MAPK8: variants seen among roughly 807,000 people sequenced by gnomAD.
MAPK8 encodes the protein mitogen-activated protein kinase 8.
A neutral mutation model predicts 52.9 loss-of-function variants in MAPK8; 13 were observed. That is an observed-to-expected ratio of 0.25 (90% confidence interval 0.16 to 0.39). MAPK8 has a LOEUF of 0.39. Ranked by LOEUF, MAPK8 falls within the 10% of genes least tolerant of loss-of-function variation. The pLI, the probability that MAPK8 is intolerant of heterozygous loss-of-function variation, is 1.00. For missense variants in MAPK8, 300 were observed against 519.2 expected (o/e 0.58, Z 4.10); for synonymous variants, 191 against 169.8 (o/e 1.12, Z -0.97).
intron 10 of MAPK8, among the ~76,000 whole-genome samples, chr10:48,427,682 C>CT (rs1466857776): frequency 1.3e-5 from 2 of 152,066 alleles, no homozygotes; most frequent in Non-Finnish European, 2.9e-5. Flanking sequence ...TTAGTAGAGA[C>CT]AGGGTTTCAC....
chr10:48,381,193 C>G (rs1282941225), intron 1 of MAPK8, among the ~76,000 whole-genome samples: 1 of 152,158 alleles, frequency 6.6e-6, no homozygotes, highest in Non-Finnish European at 1.5e-5. Flanking sequence ...TCCATCTGAT[C>G]CCAGTCAGCT....
intron 1 of MAPK8, among the ~76,000 whole-genome samples, chr10:48,325,388 C>G (rs994076683): frequency 6.6e-6 from 1 of 152,198 alleles, no homozygotes; most frequent in Admixed American, 6.5e-5. Context: ...TTTTAACATA[C>G]CAATTTTGAA....
At chr10:48,413,664 C>G (rs150286950) in intron 5 of MAPK8, among the ~76,000 whole-genome samples, 1 of 151,624 alleles carries the variant, frequency 6.6e-6, no homozygotes, top group African/African-American at 2.4e-5. Context: ...CTTAGTATCA[C>G]TGTATTTCAC....
chr10:48,428,035 T>C (rs1335189302), intron 10 of MAPK8, among the ~76,000 whole-genome samples: 2 of 152,228 alleles, frequency 1.3e-5, no homozygotes, highest in Non-Finnish European at 1.5e-5. Flanking sequence ...AAGATATTTT[T>C]CAGTTATTTC....
At chr10:48,411,801 C>T (rs987982601) in intron 5 of MAPK8, among the ~76,000 whole-genome samples, 26 of 149,242 alleles carry the variant, frequency 1.7e-4, no homozygotes, top group African/African-American at 6.4e-4. Flanking sequence ...TTTCTTTTCT[C>T]TCCTTCCCTC....
intron 1 of MAPK8, among the ~76,000 whole-genome samples, chr10:48,370,382 T>C (rs1644574783): frequency 6.6e-6 from 1 of 152,088 alleles, no homozygotes; most frequent in African/African-American, 2.4e-5. Context: ...GTATACATCA[T>C]TGTATTGGTT....
chr10:48,336,776 G>A (rs1844731909), intron 1 of MAPK8, among the ~76,000 whole-genome samples: 1 of 152,180 alleles, frequency 6.6e-6, no homozygotes, highest in Admixed American at 6.5e-5. Flanking sequence ...GGCATTTCTG[G>A]AATGGAACTT....
At chr10:48,390,259 CTGTT>C (rs1465884550) in intron 1 of MAPK8, among the ~76,000 whole-genome samples, 5 of 152,270 alleles carry the variant, frequency 3.3e-5, no homozygotes, top group Non-Finnish European at 7.4e-5. Context: ...TTTACTCAGT[CTGTT>C]TATTTATATA....
chr10:48,379,868 G>A (rs1564554844), intron 1 of MAPK8, among the ~76,000 whole-genome samples: 1 of 146,798 alleles, frequency 6.8e-6, no homozygotes, highest in Non-Finnish European at 1.5e-5. Flanking sequence ...GTACAAACTC[G>A]TATTCAAAGT....
At chr10:48,336,058 G>A (rs1844651133) in intron 1 of MAPK8, among the ~76,000 whole-genome samples, 1 of 152,080 alleles carries the variant, frequency 6.6e-6, no homozygotes, top group African/African-American at 2.4e-5. Flanking sequence ...GACTGACAGG[G>A]CTAGCAGAAA....
At chr10:48,307,086 C>A (rs968149430) in intron 1 of MAPK8, 29 of 152,506 alleles carry the variant, frequency 1.9e-4, no homozygotes, top group African/African-American at 6.7e-4. Flanking sequence ...CCCGCCTGTC[C>A]TCTCGCGTCC....
chr10:48,404,454 C>T (rs1189900873), intron 2 of MAPK8, among the ~76,000 whole-genome samples: 3 of 152,164 alleles, frequency 2.0e-5, no homozygotes, highest in Non-Finnish European at 2.9e-5. Context: ...CTGCACCCAG[C>T]CTCGTATGCA....
chr10:48,314,164 CTACT>C (rs1842264681), intron 1 of MAPK8, among the ~76,000 whole-genome samples: 1 of 152,068 alleles, frequency 6.6e-6, no homozygotes, highest in Non-Finnish European at 1.5e-5. Flanking sequence ...CAAGATTAGG[CTACT>C]TAGTCAATTT....
At chr10:48,322,183 C>T (rs775800644) in intron 1 of MAPK8, among the ~76,000 whole-genome samples, 6 of 151,932 alleles carry the variant, frequency 3.9e-5, no homozygotes, top group African/African-American at 7.3e-5. Context: ...GACTGAAGGG[C>T]AGTAAGGAGG....
At chr10:48,349,221 A>G (rs1846075041) in intron 1 of MAPK8, among the ~76,000 whole-genome samples, 1 of 152,200 alleles carries the variant, frequency 6.6e-6, no homozygotes, top group African/African-American at 2.4e-5. Context: ...AGATCGAGAC[A>G]GAAAATTAAC....
At chr10:48,309,286 G>A (rs1016923465) in intron 1 of MAPK8, among the ~76,000 whole-genome samples, 1 of 152,132 alleles carries the variant, frequency 6.6e-6, no homozygotes, top group Non-Finnish European at 1.5e-5. Flanking sequence ...ACTAATTCCA[G>A]AACATTGTCA....
rs1490800917 is a variant in MAPK8 at position 48,438,656 on chromosome 10, C to G, written c.*3627C>G. The G allele has an allele frequency of 6.6e-6, 1 of 152,126 alleles. No homozygotes were observed. The highest frequency in any genetic ancestry group is 1.5e-5 in the Non-Finnish European group (1 of 68,020). The allele number at this position is 152,126 out of a possible 1,614,324, so 9.4% of individuals were successfully genotyped here. ...CCTCACACTAATTTTCTATGCTTTCCCAAGTAAGCTGTTGCCCTGTTAGAT... is the reference window on the plus strand; with the variant it reads ...CCTCACACTAATTTTCTATGCTTTCGCAAGTAAGCTGTTGCCCTGTTAGAT... On this transcript the variant is annotated 3_prime_UTR_variant, in exon 12 of 12. Transcript: ENST00000374189.
chr10:48,357,061 A>G (rs892318542), intron 1 of MAPK8, among the ~76,000 whole-genome samples: 5 of 152,162 alleles, frequency 3.3e-5, no homozygotes, highest in African/African-American at 1.2e-4. Flanking sequence ...TAAATTCCAC[A>G]TATTTAATGC....
In MAPK8 at chr10:48,368,662, G is replaced by T. The variant is rs1438724130; in HGVS notation, c.-49-32950G>T. ...ATGATTTTAAGCAAGGGAGATTCAG[G>T]GTCAAAATTGCATGTTAGAAGAATT... On this transcript the variant is annotated intron_variant, in intron 1 of 11. Transcript: ENST00000374189. 2.6e-5 allele frequency among the ~76,000 whole-genome samples: 4 copies of T among 152,216 alleles called. No homozygotes were observed. In the East Asian group the frequency reaches 7.7e-4, roughly 29 times the overall value.
Sources: gnomAD v4.1 joint callset for allele counts (sites outside exome capture counted in the v4.1 genomes callset) on GRCh38, gnomAD v4.1.1 for gene constraint, MANE v1.5 for transcripts, NCBI Gene and HGNC (gene_info 2026-07-23, HGNC 2026-07-21) for gene names.